Variants in EBF1 observed in about 807,000 individuals in gnomAD.
EBF1 encodes EBF transcription factor 1, also known as transcription factor COE1.
Under a neutral mutation model 68.4 loss-of-function variants are expected in EBF1, and 10 were observed. The observed-to-expected ratio is 0.15, with a 90% CI of 0.09 to 0.25. The LOEUF is 0.25. EBF1 is among the 10% of genes least tolerant of loss of function. The pLI is 1.00. For synonymous variants in EBF1, 298 were observed against 299.8 expected (o/e 0.99, Z 0.06); for missense variants, 509 against 794.4 (o/e 0.64, Z 4.32).
chr5:158,940,763 G>GCCCCCCCCCCCCCCC (rs1281689924), intron 6 of EBF1, among the ~76,000 whole-genome samples: 1 of 6,360 alleles, frequency 1.6e-4, no homozygotes, highest in African/African-American at 4.1e-4. Flanking sequence ...TCACCCCACC[G>GCCCCCCCCCCCCCCC]CCCCCCCCCC....
chr5:158,806,278 C>T (rs535108397), intron 8 of EBF1, among the ~76,000 whole-genome samples: 13 of 152,122 alleles, frequency 8.5e-5, no homozygotes, highest in East Asian at 1.9e-4. Context: ...AAGGTGCGAA[C>T]GAAAGAAAAA....
chr5:158,791,318 CAA>C (rs70987931), intron 9 of EBF1, among the ~76,000 whole-genome samples: 108 of 69,060 alleles, frequency 1.6e-3, no homozygotes, highest in East Asian at 6.6e-3. Context: ...GATTCCATCT[CAA>C]AAAAAAAAAA....
rs80025450 is a variant in EBF1 at position 158,859,640 on chromosome 5, C to G, written c.555-19530G>C. On this transcript the variant is annotated intron_variant, in intron 6 of 15. Transcript: ENST00000313708. ...CCTCCAAAGCTGCCCCTCACTTAAC[C>G]TGTGGTCAAACACTTCATCATTTTG... Among the ~76,000 whole-genome samples, 440 of 152,314 alleles carry G rather than the reference C, an allele frequency of 2.9e-3. 1 individual carries two copies. Among genetic ancestry groups the G allele is most frequent in the African/African-American group, 1.0e-2 (415 of 41,572 alleles).
chr5:158,820,657 C>T (rs933809718), intron 8 of EBF1, among the ~76,000 whole-genome samples: 1 of 152,176 alleles, frequency 6.6e-6, no homozygotes, highest in Non-Finnish European at 1.5e-5. Context: ...TAGGACATAC[C>T]TATGTCCCCA....
chr5:159,049,426 GA>G (rs556276399), intron 6 of EBF1, among the ~76,000 whole-genome samples: 1,946 of 151,896 alleles, frequency 0.013, 29 homozygotes, highest in African/African-American at 0.044. Flanking sequence ...ATGGTGGAGG[GA>G]AAAAAAATCC....
intron 10 of EBF1, among the ~76,000 whole-genome samples, chr5:158,763,207 G>A (rs1458169783): frequency 2.6e-5 from 4 of 152,172 alleles, no homozygotes; most frequent in Non-Finnish European, 4.4e-5. Context: ...GTGGCCAAGA[G>A]GGAATTTCAC....
chr5:158,992,795 T>G (rs909411978), intron 6 of EBF1, among the ~76,000 whole-genome samples: 3 of 152,188 alleles, frequency 2.0e-5, no homozygotes, highest in African/African-American at 7.2e-5. Flanking sequence ...TGAGATGTTC[T>G]GTAAATAAGA....
At chr5:158,851,346 C>T (rs1040727436) in intron 6 of EBF1, among the ~76,000 whole-genome samples, 10 of 111,148 alleles carry the variant, frequency 9.0e-5, no homozygotes, top group Middle Eastern at 5.4e-3. Flanking sequence ...CAGAGTGAGA[C>T]GCTGTCAAGA....
chr5:158,899,632 A>G (rs1360928008), intron 6 of EBF1, among the ~76,000 whole-genome samples: 1 of 152,246 alleles, frequency 6.6e-6, no homozygotes, highest in Non-Finnish European at 1.5e-5. Context: ...CTATAATGTA[A>G]CGACCAATGC....
intron 8 of EBF1, among the ~76,000 whole-genome samples, chr5:158,806,825 C>G (rs746404746): frequency 6.6e-6 from 1 of 152,164 alleles, no homozygotes; most frequent in Non-Finnish European, 1.5e-5. Flanking sequence ...TTCACACACA[C>G]AACCCTACTG....
intron 8 of EBF1, among the ~76,000 whole-genome samples, chr5:158,811,008 G>C (rs1782543890): frequency 6.6e-6 from 1 of 151,078 alleles, no homozygotes; most frequent in South Asian, 2.1e-4. Context: ...GTCCCTCCAG[G>C]TAAATCTCTT....
intron 9 of EBF1, among the ~76,000 whole-genome samples, chr5:158,794,386 C>T (rs996791602): frequency 3.3e-5 from 5 of 152,166 alleles, no homozygotes; most frequent in South Asian, 2.1e-4. Flanking sequence ...AAGTTACATG[C>T]TAACCTCCCT....
intron 6 of EBF1, among the ~76,000 whole-genome samples, chr5:159,038,731 A>T (rs943942020): frequency 6.6e-6 from 1 of 152,134 alleles, no homozygotes; most frequent in Non-Finnish European, 1.5e-5. Flanking sequence ...GACTATCAAC[A>T]ACACTTTGAA....
chr5:158,735,257 T>C (rs146674881), intron 10 of EBF1, among the ~76,000 whole-genome samples: 77 of 152,276 alleles, frequency 5.1e-4, no homozygotes, highest in African/African-American at 1.8e-3. Flanking sequence ...GTCCTCCTTA[T>C]AGTCACCTCC....
chr5:159,062,887 T>TA (rs2127882394), intron 6 of EBF1, among the ~76,000 whole-genome samples: 1 of 152,396 alleles, frequency 6.6e-6, no homozygotes, highest in African/African-American at 2.4e-5. Flanking sequence ...CTTGATCAAT[T>TA]AAACAGTTAG....
At chr5:158,836,463 G>A (rs921410564) in intron 7 of EBF1, among the ~76,000 whole-genome samples, 20 of 152,104 alleles carry the variant, frequency 1.3e-4, no homozygotes, top group African/African-American at 3.9e-4. Context: ...ATTCAAAAAG[G>A]GTGTAATGTC....
At chr5:158,893,061 ACT>A (rs1327393285) in intron 6 of EBF1, among the ~76,000 whole-genome samples, 2 of 135,040 alleles carry the variant, frequency 1.5e-5, no homozygotes, top group African/African-American at 5.1e-5. Flanking sequence ...TCCATTACTC[ACT>A]CTCTGATTTG....
chr5:158,995,614 A>G (rs1401233302), intron 6 of EBF1, among the ~76,000 whole-genome samples: 1 of 152,144 alleles, frequency 6.6e-6, no homozygotes, highest in Non-Finnish European at 1.5e-5. Flanking sequence ...TGACTCCAGG[A>G]TCTGCCATTT....
intron 6 of EBF1, among the ~76,000 whole-genome samples, chr5:158,900,900 G>T (rs1803175678): frequency 6.7e-6 from 1 of 149,798 alleles, no homozygotes; most frequent in Non-Finnish European, 1.5e-5. Context: ...AAGCCTAAGA[G>T]ATCTCTTCAT....
Sources: gnomAD v4.1 joint callset for allele counts (sites outside exome capture counted in the v4.1 genomes callset) on GRCh38, gnomAD v4.1.1 for gene constraint, MANE v1.5 for transcripts, NCBI Gene and HGNC (gene_info 2026-07-23, HGNC 2026-07-21) for gene names.